Variants in ACAN observed in about 807,000 individuals in gnomAD.
ACAN encodes the protein aggrecan core protein.
In ACAN, 47 loss-of-function variants were observed where a neutral mutation model predicts 169.1. The ratio of observed to expected loss-of-function variants is 0.28; its 90% CI spans 0.22 to 0.35. The LOEUF is 0.35. Among genes scored for constraint, ACAN ranks in the 10% least tolerant of loss-of-function variants. ACAN has a pLI of 1.00. For missense variants in ACAN, 2,716 were observed against 2,759.9 expected, an observed-to-expected ratio of 0.98 and a Z score of 0.36; for synonymous variants, 1,115 against 1,112.2, an observed-to-expected ratio of 1.00 and a Z score of -0.05.
intron 1 of ACAN, among the ~76,000 whole-genome samples, chr15:88,826,780 C>T (rs958523483): frequency 2.0e-4 from 31 of 152,144 alleles, no homozygotes; most frequent in African/African-American, 7.5e-4. Context: ...CCCCATATCC[C>T]CCTTGATTTA....
In ACAN at chr15:88,847,296, G is replaced by A. The variant is rs755294223; in HGVS notation, c.1483G>A (p.Glu495Lys). Residue 495 changes from glutamate (E) to lysine (K), a missense_variant, in exon 8 of 19, where the codon GAG becomes AAG. Physicochemically the swap from Glu to Lys is moderately conservative, Grantham distance 56 (BLOSUM62 1). Coordinates refer to ENST00000560601, the MANE Select transcript of ACAN (RefSeq NM_001369268.1). ...GPTRYSLTFE[E>K]AQQACLRTGA... is the part of the protein sequence containing the mutation. Reference sequence around the variant, plus strand: ...CACCCGCTACTCGCTGACCTTTGAGGAGGCACAGCAGGCCTGCCTGCGCAC... The same window carrying A: ...CACCCGCTACTCGCTGACCTTTGAGAAGGCACAGCAGGCCTGCCTGCGCAC... The A allele has an allele frequency of 6.4e-7, 1 of 1,573,128 alleles. No individual in the cohort carries two copies. Among genetic ancestry groups the A allele is most frequent in the South Asian group, 1.2e-5 (1 of 85,396 alleles).
chr15:88,842,605 C>T (rs1896692731), intron 5 of ACAN, among the ~76,000 whole-genome samples: 1 of 152,072 alleles, frequency 6.6e-6, no homozygotes, highest in Admixed American at 6.5e-5. Flanking sequence ...GGGGCCCCGG[C>T]CAGGCTTTCT....
At chr15:88,865,626 T>C (rs1392937454) in intron 13 of ACAN, among the ~76,000 whole-genome samples, 1 of 152,134 alleles carries the variant, frequency 6.6e-6, no homozygotes, top group African/African-American at 2.4e-5. Flanking sequence ...TCTCTTTCCC[T>C]ATGAAGCCTG....
In ACAN at chr15:88,839,956, A is replaced by T. The variant is rs1365147869; in HGVS notation, c.455-56A>T. ...CCATAATTCTGCGAGGGCCTCGGTG[A>T]TCAGAGACTGTGCCTGACCAGCTCT... On this transcript the variant is annotated intron_variant, in intron 3 of 18. Coordinates refer to ENST00000560601, the MANE Select transcript of ACAN (RefSeq NM_001369268.1). The surrounding 1 kb of genome is among the most constrained non-coding windows in gnomAD (Gnocchi z 4.5). The T allele has an allele frequency of 1.0e-5, 16 of 1,551,972 alleles. No homozygotes were observed. The highest frequency in any genetic ancestry group is 8.7e-7 in the Non-Finnish European group (1 of 1,144,348).
rs1453249641 is a variant in ACAN at position 88,843,830 on chromosome 15, G to C, written c.1051+182G>C. Reference sequence around the variant, plus strand: ...GGTTCCTAGGAAGCCCTAAGGTAGAGACTCTTGAGACTGCAGCGTATCTAG... The same window carrying C: ...GGTTCCTAGGAAGCCCTAAGGTAGACACTCTTGAGACTGCAGCGTATCTAG... On this transcript the variant is annotated intron_variant, in intron 6 of 18. Coordinates refer to ENST00000560601, the MANE Select transcript of ACAN (RefSeq NM_001369268.1). The surrounding 1 kb of genome is among the most constrained non-coding windows in gnomAD (Gnocchi z 4.0). Among the ~76,000 whole-genome samples the C allele has an allele frequency of 6.6e-6, 1 of 152,194 alleles. No individual in the cohort carries two copies. The highest frequency in any genetic ancestry group is 1.5e-5 in the Non-Finnish European group (1 of 68,030).
At chr15:88,815,650 A>C (rs1290298339) in intron 1 of ACAN, among the ~76,000 whole-genome samples, 1 of 117,310 alleles carries the variant, frequency 8.5e-6, no homozygotes, top group Non-Finnish European at 1.7e-5. Flanking sequence ...AATGTTCTGC[A>C]CTGATTAAAA....
Position 88,873,049 on chromosome 15 carries a change from C to A in ACAN, c.7447+24C>A. The A allele has an allele frequency of 6.2e-7, 1 of 1,607,658 alleles. No homozygotes were observed. Among genetic ancestry groups the A allele is most frequent in the South Asian group, 1.1e-5 (1 of 89,782 alleles). On this transcript the variant is annotated intron_variant, in intron 17 of 18. Transcript: ENST00000560601. The surrounding 1 kb of genome is among the most constrained non-coding windows in gnomAD (Gnocchi z 7.5). ...AGGTAAGCTGGCGCCTGGGAGGGGT[C>A]AGGGGAGGATAGGATCAAGACCTCC...
rs1405090440 is a variant in ACAN at position 88,872,255 on chromosome 15, C to G, written c.7302+170C>G. ...TTCATCTCTGCCTCTGGAACCCAGC[C>G]CGGGGCTGGACAGATTGAGCTAATG... On this transcript the variant is annotated intron_variant, in intron 16 of 18. Coordinates refer to ENST00000560601, the MANE Select transcript of ACAN (RefSeq NM_001369268.1). This position sits in a 1 kb window ranked among gnomAD's most constrained non-coding sequence, Gnocchi z 5.4. Among the ~76,000 whole-genome samples the G allele has an allele frequency of 6.6e-6, 1 of 152,140 alleles. No homozygotes were observed. Among genetic ancestry groups the G allele is most frequent in the African/African-American group, 2.4e-5 (1 of 41,428 alleles).
At position 88,859,383 on chromosome 15, in the gene ACAN, G is replaced by A. The variant is rs376248183; in HGVS notation, c.6798G>A (p.Pro2266=). ...CAGATGCTTCCATCCCAGCTTCTCC[G>A]GAATGGAAACGTGAATCAGAATCAA... is the stretch of plus-strand genomic sequence containing the variant. The part of the protein sequence containing the change: ...SPTDASIPAS[P]EWKRESESTA... The change falls in exon 12 of 19, where the codon CCG becomes CCA. Residue 2266 remains proline, a synonymous_variant. Coordinates refer to ENST00000560601, the MANE Select transcript of ACAN (RefSeq NM_001369268.1). 7.1e-5 allele frequency: 112 copies of A among 1,570,022 alleles called. No homozygotes were observed. Among genetic ancestry groups the A allele is most frequent in the African/African-American group, 5.0e-4 (37 of 73,806 alleles).
In ACAN at chr15:88,810,357, GA is replaced by G. The variant is rs11446597; in HGVS notation, c.-8+6557del. ...CTGTTTCCAGGGCTAATTTTGGGGG[GA>G]AAAAAAAACCTCTAGAAGAGAAACG... On this transcript the variant is annotated intron_variant, in intron 1 of 18. Transcript: ENST00000560601. 4.4e-3 allele frequency among the ~76,000 whole-genome samples: 663 copies of G among 150,722 alleles called. 1 individual carries two copies. Among genetic ancestry groups the G allele is most frequent in the African/African-American group, 0.013 (548 of 41,060 alleles).
chr15:88,816,406 C>T lies in ACAN; in HGVS notation c.-8+12597C>T, dbSNP rs899826909. Among the ~76,000 whole-genome samples, 9 of 152,166 alleles carry T rather than the reference C, an allele frequency of 5.9e-5. No individual in the cohort carries two copies. The South Asian group carries it at 6.2e-4, about 11-fold the overall frequency. On this transcript the variant is annotated intron_variant, in intron 1 of 18. Coordinates refer to ENST00000560601, the MANE Select transcript of ACAN (RefSeq NM_001369268.1). ...TTAAACAAATGATGTATTCTCCCATCGGTCAGTGCTTTTATGCTAACTAGA... is the reference window on the plus strand; with the variant it reads ...TTAAACAAATGATGTATTCTCCCATTGGTCAGTGCTTTTATGCTAACTAGA...
chr15:88,849,158 G>C lies in ACAN; in HGVS notation c.1733-280G>C, dbSNP rs1896868411. On this transcript the variant is annotated intron_variant, in intron 9 of 18. Transcript: ENST00000560601. The surrounding 1 kb of genome is among the most constrained non-coding windows in gnomAD (Gnocchi z 5.1). ...AAAGAGGGACGGAGGAGAAGTTGTT[G>C]TGGAAACAACTCAGCCCAGTTTTAC... Among the ~76,000 whole-genome samples, 1 of 152,230 alleles carries C rather than the reference G, an allele frequency of 6.6e-6. No individual in the cohort carries two copies. Among genetic ancestry groups the C allele is most frequent in the African/African-American group, 2.4e-5 (1 of 41,458 alleles).
At position 88,857,678 on chromosome 15, in the gene ACAN, G is replaced by A. The variant is rs375118386; in HGVS notation, c.5093G>A (p.Ser1698Asn). The change falls in exon 12 of 19, where the codon AGT (serine) becomes AAT (asparagine). Residue 1698 changes from serine to asparagine, a missense_variant. Ser to Asn is a conservative substitution (Grantham distance 46). Around this residue, in one of 3 missense-constraint regions of ACAN, gnomAD observed 1,389 missense variants for 1,363.7 expected, o/e 1.02. Transcript: ENST00000560601. ...GGAGAAATATCTGGACTGCCCTCCA[G>A]TGAGCTGGACATTAGTGGGAGAGCT... is the stretch of plus-strand genomic sequence containing the variant. ...GAGEISGLPS[S>N]ELDISGRASG... 6.2e-7 allele frequency: 1 copy of A among 1,613,920 alleles called. No individual in the cohort carries two copies. Among genetic ancestry groups the A allele is most frequent in the African/African-American group, 1.3e-5 (1 of 74,932 alleles).
rs1426384878 is a variant in ACAN, at chr15:88,838,954, A to G, written c.362A>G (p.Gln121Arg). 1 of 1,613,686 alleles carries G rather than the reference A, an allele frequency of 6.2e-7. No individual in the cohort carries two copies. Among genetic ancestry groups the G allele is most frequent in the Admixed American group, 1.7e-5 (1 of 60,016 alleles). Residue 121 changes from glutamine (Q) to arginine (R), a missense_variant, in exon 3 of 19, where the codon CAG becomes CGG. By Grantham distance (43) the Gln-to-Arg change is conservative. Around this residue, in one of 3 missense-constraint regions of ACAN, gnomAD observed 1,283 missense variants for 1,281.5 expected, o/e 1.00. Transcript: ENST00000560601. The surrounding 1 kb of genome is among the most constrained non-coding windows in gnomAD (Gnocchi z 5.1). ...CCCAGTGACGCCACCTTGGAAGTCC[A>G]GAGCCTGCGCTCCAATGACTCTGGG... is the stretch of plus-strand genomic sequence containing the variant. The part of the protein sequence containing the change: ...AIPSDATLEV[Q>R]SLRSNDSGVY...
Position 88,874,085 on chromosome 15 carries a change from C to T in ACAN, c.7630+61C>T. On this transcript the variant is annotated intron_variant, in intron 18 of 18. Coordinates refer to ENST00000560601, the MANE Select transcript of ACAN (RefSeq NM_001369268.1). This position sits in a 1 kb window ranked among gnomAD's most constrained non-coding sequence, Gnocchi z 7.3. ...GTTAGATTCTGCCAGCACAGCCTTC[C>T]CCCCGTCCCCTCTCCTGGGGACCCT... is the stretch of plus-strand genomic sequence containing the variant. 8.8e-6 allele frequency: 14 copies of T among 1,585,778 alleles called. No homozygotes were observed. The highest frequency in any genetic ancestry group is 1.2e-5 in the Non-Finnish European group (14 of 1,171,014).
intron 1 of ACAN, among the ~76,000 whole-genome samples, chr15:88,813,871 A>G (rs1420643373): frequency 6.6e-6 from 1 of 152,170 alleles, no homozygotes; most frequent in East Asian, 1.9e-4. Context: ...CCTCACCTCC[A>G]GAATAATCTG....
In ACAN at chr15:88,847,231, C is replaced by A. The variant is rs1420249280; in HGVS notation, c.1430-12C>A. On this transcript the variant is annotated splice_polypyrimidine_tract_variant and intron_variant, in intron 7 of 18. Transcript: ENST00000560601. The stretch of plus-strand genomic sequence containing the variant: ...GGTCCCTGAACCTGACCGCTCCCTC[C>A]TCCCCACCCAGGGGTCGTCTTCCAC... 6.5e-7 allele frequency: 1 copy of A among 1,537,104 alleles called. No homozygotes were observed. Among genetic ancestry groups the A allele is most frequent in the Admixed American group, 2.0e-5 (1 of 50,716 alleles).
chr15:88,856,924 G>A lies in ACAN; in HGVS notation c.4339G>A (p.Glu1447Lys), dbSNP rs112335908. 1.9e-6 allele frequency: 3 copies of A among 1,607,044 alleles called. No homozygotes were observed. In the East Asian group the frequency reaches 6.7e-5, roughly 36 times the overall value. ...VLETTAPGVE[E>K]ISGLPSGEVL... ...AGAGACTACTGCCCCTGGAGTAGAG[G>A]AGATCAGCGGGCTTCCTTCTGGAGA... is the stretch of plus-strand genomic sequence containing the variant. The change falls in exon 12 of 19, where the codon GAG (glutamate) becomes AAG (lysine). Residue 1447 changes from glutamate to lysine, a missense_variant. Physicochemically the swap from Glu to Lys is moderately conservative, Grantham distance 56. Transcript: ENST00000560601.
At position 88,869,765 on chromosome 15, in the gene ACAN, A is replaced by G. The variant is rs2141634815; in HGVS notation, c.7060+1436A>G. Among the ~76,000 whole-genome samples, 1 of 152,146 alleles carries G rather than the reference A, an allele frequency of 6.6e-6. No individual in the cohort carries two copies. The highest frequency in any genetic ancestry group is 2.1e-4 in the South Asian group (1 of 4,818). The stretch of plus-strand genomic sequence containing the variant: ...TGGGGGCCCAGCTAAGCAGGGCTGC[A>G]TCTCCTCTCCCATTCCAATCCTGAG... On this transcript the variant is annotated intron_variant, in intron 14 of 18. Coordinates refer to ENST00000560601, the MANE Select transcript of ACAN (RefSeq NM_001369268.1). This position sits in a 1 kb window ranked among gnomAD's most constrained non-coding sequence, Gnocchi z 4.2.
Sources: gnomAD v4.1 joint callset for allele counts (sites outside exome capture counted in the v4.1 genomes callset) on GRCh38, gnomAD v4.1.1 for gene constraint, gnomAD v4.1.1 regional missense constraint, Gnocchi (gnomAD v3.1) non-coding constraint, MANE v1.5 for transcripts, NCBI Gene and HGNC (gene_info 2026-07-23, HGNC 2026-07-21) for gene names.